Variants in C2CD3 observed in about 807,000 individuals in gnomAD.
C2CD3 encodes the protein C2 domain containing 3 centriole elongation regulator, also known as C2 domain-containing protein 3.
In C2CD3, 148 loss-of-function variants were observed where a neutral mutation model predicts 234.0. That is an observed-to-expected ratio of 0.63 (90% CI 0.55 to 0.72). C2CD3 has a LOEUF of 0.72. Among genes scored for constraint, C2CD3 ranks in the 30% least tolerant of loss-of-function variants. C2CD3 has a pLI of 0.00. For missense variants in C2CD3, 2,577 were observed against 2,811.5 expected, an observed-to-expected ratio of 0.92 and a Z score of 1.89; for synonymous variants, 1,000 against 1,035.4, an observed-to-expected ratio of 0.97 and a Z score of 0.66.
At chr11:74,079,154 A>G (rs1406744044) in intron 22 of C2CD3, among the ~76,000 whole-genome samples, 1 of 152,216 alleles carries the variant, frequency 6.6e-6, no homozygotes, top group Non-Finnish European at 1.5e-5. Context: ...GGCAGGGGTC[A>G]AAAGAGATCT....
chr11:74,158,071 T>C (rs1565355219), intron 3 of C2CD3, among the ~76,000 whole-genome samples: 1 of 152,184 alleles, frequency 6.6e-6, no homozygotes, highest in Admixed American at 6.5e-5. Context: ...GATCTAGGAC[T>C]ATAAAACGAC....
rs1955179760 is a variant in C2CD3 at position 74,078,577 on chromosome 11, C to A, written c.4141G>T (p.Ala1381Ser). 6.2e-7 allele frequency: 1 copy of A among 1,614,036 alleles called. No individual in the cohort carries two copies. Among genetic ancestry groups the A allele is most frequent in the Non-Finnish European group, 8.5e-7 (1 of 1,180,034 alleles). ...HRGDRERVLE[A>S]AEHLGWSFEN... ...AAGCTCCAGCCCAAATGCTCAGCAG[C>A]TTCCAACACCCGTTCTCTATCTCCA... is the stretch of plus-strand genomic sequence containing the variant. Residue 1381 changes from alanine to serine, a missense_variant, in exon 23 of 33, where the codon GCT (alanine) becomes TCT (serine). By Grantham distance (99) the Ala-to-Ser change is moderately conservative. Transcript: ENST00000334126.
chr11:74,120,139 T>A (rs1049320739), intron 8 of C2CD3, among the ~76,000 whole-genome samples: 13 of 152,014 alleles, frequency 8.6e-5, no homozygotes, highest in East Asian at 1.9e-4. Flanking sequence ...TTTTTTTTTT[T>A]AATTATACTT....
At chr11:74,063,768 A>T (rs11235988) in intron 24 of C2CD3, among the ~76,000 whole-genome samples, 49,674 of 152,038 alleles carry the variant, frequency 0.33, 10,582 homozygotes, top group African/African-American at 0.61. Context: ...TTGTAAGTTC[A>T]GGCCAGGGCA....
intron 11 of C2CD3, among the ~76,000 whole-genome samples, chr11:74,111,105 T>C (rs1956725204): frequency 6.6e-6 from 1 of 152,212 alleles, no homozygotes; most frequent in African/African-American, 2.4e-5. Context: ...TAGGTTGAAA[T>C]TCTAGTTCTA....
chr11:74,141,877 T>C (rs1214346379), intron 3 of C2CD3, among the ~76,000 whole-genome samples: 1 of 151,878 alleles, frequency 6.6e-6, no homozygotes, highest in African/African-American at 2.4e-5. Flanking sequence ...GGCATGTACC[T>C]TGAAGTCCTA....
At chr11:74,031,559 G>A (rs1488604790) in intron 31 of C2CD3, among the ~76,000 whole-genome samples, 1 of 152,084 alleles carries the variant, frequency 6.6e-6, no homozygotes, top group Non-Finnish European at 1.5e-5. Context: ...GGTCCCTCGC[G>A]TTCTGTCCAC....
At chr11:74,067,216 T>C (rs117279174) in intron 24 of C2CD3, among the ~76,000 whole-genome samples, 2,466 of 152,042 alleles carry the variant, frequency 0.016, 28 homozygotes, top group Non-Finnish European at 0.026. Flanking sequence ...GAAAAGAGAA[T>C]GGAGATTTTG....
At chr11:74,018,976 G>T (rs1565199522) in intron 32 of C2CD3, among the ~76,000 whole-genome samples, 1 of 152,140 alleles carries the variant, frequency 6.6e-6, no homozygotes, top group Non-Finnish European at 1.5e-5. Context: ...CCATTCTACA[G>T]GGCCTACGTC....
rs917517853 is a variant in C2CD3, at chr11:74,117,182, A to T, written c.1520+1046T>A. On this transcript the variant is annotated intron_variant, in intron 9 of 32. Coordinates refer to ENST00000334126, the MANE Select transcript of C2CD3 (RefSeq NM_001286577.2). ...AATATATATATATGAATATATATAT[A>T]TGAATATATATATATGAATATATAT... is the stretch of plus-strand genomic sequence containing the variant. 5.0e-3 allele frequency among the ~76,000 whole-genome samples: 375 copies of T among 74,916 alleles called. 53 individuals carry two copies. The Admixed American group carries it at 0.066, about 13-fold the overall frequency. 49.1% of individuals were successfully genotyped at this position (74,916 alleles called of 152,430 possible).
chr11:74,068,595 G>T (rs73557998), intron 24 of C2CD3, among the ~76,000 whole-genome samples: 2,673 of 152,190 alleles, frequency 0.018, 77 homozygotes, highest in African/African-American at 0.061. Flanking sequence ...GTTCCCAGAG[G>T]CAGGACACCT....
rs750568043 is a variant in C2CD3, at chr11:74,078,185, G to A, written c.4533C>T (p.Ser1511=). 5.0e-6 allele frequency: 8 copies of A among 1,613,896 alleles called. No homozygotes were observed. The Admixed American group carries it at 1.3e-4, about 27-fold the overall frequency. ...GGTCCACATAGGCTGAGCCAATCCA[G>A]CTGTCTGTCTGATGGGGTCTCTCCA... is the stretch of plus-strand genomic sequence containing the variant. ...DSVERPHQTD[S]WIGSAYVDLA... is the part of the protein sequence containing the mutation. The change falls in exon 23 of 33, where the codon AGC becomes AGT. Residue 1511 remains serine, a synonymous_variant. Transcript: ENST00000334126.
At chr11:74,136,823 T>G (rs899148093) in intron 5 of C2CD3, among the ~76,000 whole-genome samples, 2 of 151,972 alleles carry the variant, frequency 1.3e-5, no homozygotes, top group African/African-American at 4.8e-5. Context: ...AGGGGAGAGA[T>G]AGCATTAGGA....
chr11:74,168,300 C>T, intron 2 of C2CD3, 44 bp downstream of exon 2: 1 of 1,515,008 alleles, frequency 6.6e-7, no homozygotes, highest in African/African-American at 1.4e-5. Flanking sequence ...TAACCACATG[C>T]TTTGTATTAC....
chr11:74,170,981 C>T lies in C2CD3; in HGVS notation c.-189G>A, dbSNP rs1857178252. 4.5e-6 allele frequency: 6 copies of T among 1,343,858 alleles called. No homozygotes were observed. The East Asian group carries it at 1.5e-4, about 34-fold the overall frequency. The allele number at this position is 1,343,858 out of a possible 1,614,324, so 83.2% of individuals were successfully genotyped here. A position where few individuals can be genotyped will look rare whatever the true frequency, so the allele number is the denominator to read the frequency against. On this transcript the variant is annotated 5_prime_UTR_variant, in exon 1 of 33. Transcript: ENST00000334126. ...ACGGTGCGAAGAGAAGGCGCCAAGA[C>T]GCCTTCCCTCCAATACACTACAATA... is the stretch of plus-strand genomic sequence containing the variant.
Position 74,168,079 on chromosome 11 carries a change from C to CA in C2CD3, c.325+264dup, listed in dbSNP as rs61072997. The CA allele has an allele frequency of 0.24, 83,518 of 351,442 alleles. 11,694 individuals are homozygous for CA. The highest frequency in any genetic ancestry group is 0.45 in the African/African-American group (21,197 of 47,414). 21.8% of individuals were successfully genotyped at this position (351,442 alleles called of 1,614,324 possible). On this transcript the variant is annotated intron_variant, in intron 2 of 32. Coordinates refer to ENST00000334126, the MANE Select transcript of C2CD3 (RefSeq NM_001286577.2). ...TTAGAAAGTATTCATTTCATCTCTC[C>CA]AACTTGTTTAATTGTCTATAAAACA...
At chr11:74,027,357 C>T (rs1952343885) in intron 32 of C2CD3, among the ~76,000 whole-genome samples, 1 of 152,244 alleles carries the variant, frequency 6.6e-6, no homozygotes, top group South Asian at 2.1e-4. Flanking sequence ...ATCCTGCCAC[C>T]TTGTCCTCCC....
At chr11:74,125,062 A>G (rs1957363805) in intron 7 of C2CD3, among the ~76,000 whole-genome samples, 1 of 152,240 alleles carries the variant, frequency 6.6e-6, no homozygotes, top group African/African-American at 2.4e-5. Flanking sequence ...GTCAAATACG[A>G]CTACAAGGCT....
intron 3 of C2CD3, among the ~76,000 whole-genome samples, chr11:74,146,554 A>C (rs1855198798): frequency 6.6e-6 from 1 of 152,216 alleles, no homozygotes; most frequent in African/African-American, 2.4e-5. Flanking sequence ...AACTTTATTA[A>C]AGACTGATGA....
Sources: allele counts gnomAD v4.1 joint callset (sites outside exome capture counted in the v4.1 genomes callset), GRCh38; gene constraint gnomAD v4.1.1; transcripts MANE v1.5; gene names NCBI Gene and HGNC (gene_info 2026-07-23, HGNC 2026-07-21).